ZNF362: variants seen among roughly 807,000 people sequenced by gnomAD.
The protein encoded by ZNF362 is rotund homolog.
ZNF362 carries 11 observed loss-of-function variants against 42.9 expected under a neutral mutation model. That is an observed-to-expected ratio of 0.26 (90% CI 0.16 to 0.42). ZNF362 has a LOEUF of 0.42. ZNF362 is among the 20% of genes least tolerant of loss of function. The pLI is 1.00. For missense variants in ZNF362, 362 were observed against 576.2 expected, an observed-to-expected ratio of 0.63 and a Z score of 3.81; for synonymous variants, 255 against 257.3, an observed-to-expected ratio of 0.99 and a Z score of 0.09.
intron 2 of ZNF362, among the ~76,000 whole-genome samples, chr1:33,275,550 T>G (rs113797898): frequency 6.6e-6 from 1 of 152,212 alleles, no homozygotes; most frequent in South Asian, 2.1e-4. Context: ...ATCATTTGGG[T>G]CACTGTAAAT....
chr1:33,268,704 G>A (rs1050073356), intron 1 of ZNF362, among the ~76,000 whole-genome samples: 12 of 152,192 alleles, frequency 7.9e-5, no homozygotes, highest in Non-Finnish European at 1.6e-4. Context: ...GGTGAGAAGG[G>A]AAGCAGAACC....
At chr1:33,174,969 A>ATG in the ZNF362 span, among the ~76,000 whole-genome samples, 8 of 131,394 alleles carry the variant, frequency 6.1e-5, no homozygotes, top group African/African-American at 2.6e-4. Flanking sequence ...ATATATATAT[A>ATG]CACACATATA....
chr1:33,250,889 GAA>G, the ZNF362 span, among the ~76,000 whole-genome samples: 11 of 152,076 alleles, frequency 7.2e-5, no homozygotes, highest in Non-Finnish European at 1.6e-4. Flanking sequence ...AGAAGAAGAA[GAA>G]GAAGGAGAAG....
At chr1:33,157,552 C>G in the ZNF362 span, among the ~76,000 whole-genome samples, 1 of 149,598 alleles carries the variant, frequency 6.7e-6, no homozygotes, top group Non-Finnish European at 1.5e-5. Flanking sequence ...TGTCTACTTT[C>G]TATCTCACAC....
At chr1:33,240,350 G>A in the ZNF362 span, among the ~76,000 whole-genome samples, 1 of 152,168 alleles carries the variant, frequency 6.6e-6, no homozygotes, top group African/African-American at 2.4e-5. Context: ...GACTAAAATT[G>A]AGGTGCTTTT....
chr1:33,203,116 C>T, the ZNF362 span, among the ~76,000 whole-genome samples: 13 of 152,060 alleles, frequency 8.5e-5, no homozygotes, highest in African/African-American at 3.1e-4. Flanking sequence ...AACACTGTAT[C>T]CTTGGATCTA....
chr1:33,260,288 G>C (rs1466460159), intron 1 of ZNF362, among the ~76,000 whole-genome samples: 1 of 152,220 alleles, frequency 6.6e-6, no homozygotes, highest in East Asian at 1.9e-4. Context: ...TCCAGGCTCT[G>C]CCCACCTCTC....
chr1:33,211,346 A>G, the ZNF362 span, among the ~76,000 whole-genome samples: 1 of 152,084 alleles, frequency 6.6e-6, no homozygotes, highest in Non-Finnish European at 1.5e-5. Context: ...GGTCTCTACA[A>G]TTTGGCATGT....
chr1:33,205,215 G>A, the ZNF362 span, among the ~76,000 whole-genome samples: 180 of 152,220 alleles, frequency 1.2e-3, no homozygotes, highest in African/African-American at 3.9e-3. Flanking sequence ...TGGGCACAGC[G>A]GCTCACAACT....
intron 1 of ZNF362, 127 bp downstream of exon 1, chr1:33,256,781 G>A (rs1339717145): frequency 1.4e-5 from 2 of 146,288 alleles, no homozygotes; most frequent in African/African-American, 2.5e-5. Context: ...GCGGGCCGGG[G>A]CGCTCCGAGG....
At chr1:33,273,777 T>C (rs771446456) in intron 2 of ZNF362, among the ~76,000 whole-genome samples, 15 of 152,224 alleles carry the variant, frequency 9.9e-5, no homozygotes, top group Non-Finnish European at 1.9e-4. Flanking sequence ...CTTGCCATCC[T>C]CCTGAGGTTC....
the ZNF362 span, among the ~76,000 whole-genome samples, chr1:33,166,728 C>T: frequency 2.0e-5 from 3 of 152,008 alleles, no homozygotes; most frequent in Non-Finnish European, 2.9e-5. Flanking sequence ...ATGACTCCTG[C>T]GATGAATAAC....
chr1:33,252,560 T>C (rs567031899), upstream of ZNF362, among the ~76,000 whole-genome samples: 16 of 152,306 alleles, frequency 1.1e-4, no homozygotes, highest in African/African-American at 3.9e-4. Context: ...ACTCTTGTGC[T>C]ATGTCACTGA....
the ZNF362 span, chr1:33,194,921 A>C: frequency 6.6e-6 from 1 of 152,168 alleles, no homozygotes; most frequent in African/African-American, 2.4e-5. Context: ...ATAATGATGA[A>C]GGATTTTCTA....
At chr1:33,224,545 T>C in the ZNF362 span, among the ~76,000 whole-genome samples, 5 of 152,164 alleles carry the variant, frequency 3.3e-5, no homozygotes, top group Non-Finnish European at 7.4e-5. Flanking sequence ...CTATAAGAGA[T>C]AACAATGTAA....
chr1:33,289,447 G>A (rs1646059995), intron 6 of ZNF362, among the ~76,000 whole-genome samples: 2 of 152,100 alleles, frequency 1.3e-5, no homozygotes. Context: ...CTGGCGGAGA[G>A]AGGCTGAGGC....
At chr1:33,217,512 A>G in the ZNF362 span, among the ~76,000 whole-genome samples, 2 of 151,962 alleles carry the variant, frequency 1.3e-5, no homozygotes, top group Non-Finnish European at 2.9e-5. Context: ...TAATATCCCA[A>G]CCACCAGCTT....
chr1:33,181,428 G>A, the ZNF362 span: 1 of 1,593,982 alleles, frequency 6.3e-7, no homozygotes. This position sits in a 1 kb window ranked among gnomAD's most constrained non-coding sequence, Gnocchi z 6.5. Flanking sequence ...GAGGCTGCAC[G>A]CCATGGCGCC....
chr1:33,296,220 G>A (rs989960558), intron 8 of ZNF362, among the ~76,000 whole-genome samples: 3 of 152,178 alleles, frequency 2.0e-5, no homozygotes, highest in African/African-American at 7.2e-5. Context: ...TGGCCTGCAC[G>A]TGGCAGGGCT....
Sources: allele counts gnomAD v4.1 joint callset (sites outside exome capture counted in the v4.1 genomes callset), GRCh38; gene constraint gnomAD v4.1.1; non-coding constraint Gnocchi (gnomAD v3.1); transcripts MANE v1.5; gene names NCBI Gene and HGNC (gene_info 2026-07-23, HGNC 2026-07-21).